The following NAV3 variants were observed in gnomAD, a reference collection of about 807,000 sequenced individuals.
NAV3 encodes neuron navigator 3.
In NAV3, 87 loss-of-function variants were observed where a neutral mutation model predicts 244.7. The ratio of observed to expected loss-of-function variants is 0.36; its 90% CI spans 0.30 to 0.42. The LOEUF (loss-of-function observed/expected upper bound fraction) is 0.42, where lower values mean the gene tolerates loss of function less well. Ranked by LOEUF, NAV3 falls within the 20% of genes least tolerant of loss-of-function variation. The probability of loss-of-function intolerance (pLI) is 1.00; values close to 1 mark genes in which losing one functional copy is unlikely to be tolerated. For synonymous variants in NAV3, 1,126 were observed against 1,042.2 expected (o/e 1.08, Z -1.55); for missense variants, 2,663 against 2,893.3 (o/e 0.92, Z 1.83).
chr12:78,056,175 G>A (rs557186297), intron 11 of NAV3: 4 of 152,236 alleles, frequency 2.6e-5, no homozygotes, highest in Admixed American at 2.0e-4. Context: ...TCATGACTCA[G>A]TTCTCTTACC....
At position 77,736,233 on chromosome 12, in the gene NAV3, G is replaced by C. The variant is rs922212851; in HGVS notation, c.72+163967G>C. Among the ~76,000 whole-genome samples, 8 of 152,216 alleles carry C rather than the reference G, an allele frequency of 5.3e-5. No individual in the cohort carries two copies. In the East Asian group the frequency reaches 1.2e-3, roughly 22 times the overall value. ...TCTATTAAACCAATTTTATTCTAGCGAAGGTCAATGTATACACACACTTAT... is the reference window on the plus strand; with the variant it reads ...TCTATTAAACCAATTTTATTCTAGCCAAGGTCAATGTATACACACACTTAT... On this transcript the variant is annotated intron_variant, in intron 2 of 8. Coordinates refer to the NAV3 transcript ENST00000550042.
At chr12:77,748,732 G>A (rs1019903877) in intron 2 of NAV3, among the ~76,000 whole-genome samples, 3 of 152,100 alleles carry the variant, frequency 2.0e-5, no homozygotes, top group Non-Finnish European at 4.4e-5. Context: ...CTAGGGCTTG[G>A]GGGAGATGGG....
intron 12 of NAV3, among the ~76,000 whole-genome samples, chr12:78,066,451 T>G (rs1885033502): frequency 6.6e-6 from 1 of 152,102 alleles, no homozygotes; most frequent in Non-Finnish European, 1.5e-5. Context: ...CAGGTAGCTA[T>G]TCAGTCAATA....
intron 1 of NAV3, among the ~76,000 whole-genome samples, chr12:77,911,615 C>T (rs1389504408): frequency 6.6e-6 from 1 of 151,966 alleles, no homozygotes; most frequent in Non-Finnish European, 1.5e-5. Context: ...AATTTTTTAA[C>T]TTAAAAATAC....
At chr12:77,813,856 T>A (rs1362068055) in intron 2 of NAV3, among the ~76,000 whole-genome samples, 1 of 152,220 alleles carries the variant, frequency 6.6e-6, no homozygotes, top group Admixed American at 6.5e-5. Context: ...AATGCCCTCA[T>A]TTATTTCAGT....
chr12:77,619,339 G>T (rs966204784), intron 2 of NAV3, among the ~76,000 whole-genome samples: 7 of 152,136 alleles, frequency 4.6e-5, no homozygotes, highest in African/African-American at 1.7e-4. Flanking sequence ...AGCTTCTGCT[G>T]CTTAAGGCCA....
intron 5 of NAV3, among the ~76,000 whole-genome samples, chr12:77,989,863 T>C (rs976943134): frequency 3.3e-5 from 5 of 152,166 alleles, no homozygotes; most frequent in African/African-American, 1.2e-4. Context: ...GTTCTTATTC[T>C]GCTTTTTTAA....
chr12:77,577,602 A>G lies in NAV3; in HGVS notation c.72+5336A>G, dbSNP rs150314119. On this transcript the variant is annotated intron_variant, in intron 2 of 8. Coordinates refer to the NAV3 transcript ENST00000550042. The stretch of plus-strand genomic sequence containing the variant: ...ATAGTGAGCCTATATCTTCATATAA[A>G]TGGATAAAATATACAGTCCCAAGAT... Among the ~76,000 whole-genome samples the G allele has an allele frequency of 3.3e-5, 5 of 152,282 alleles. No individual in the cohort carries two copies. The East Asian group carries it at 9.6e-4, about 29-fold the overall frequency.
At position 78,191,344 on chromosome 12, in the gene NAV3, C is replaced by T. The variant is rs145855652; in HGVS notation, c.6291+1125C>T. Among the ~76,000 whole-genome samples the T allele has an allele frequency of 3.2e-3, 484 of 152,104 alleles. 6 individuals are homozygous for T. The highest frequency in any genetic ancestry group is 0.011 in the African/African-American group (441 of 41,518). Reference sequence around the variant, plus strand: ...GAGAGAACAGCGCAAGTAGCAAGCACGATATAAGAGTTGCTTGCAATTTTT... The same window carrying T: ...GAGAGAACAGCGCAAGTAGCAAGCATGATATAAGAGTTGCTTGCAATTTTT... On this transcript the variant is annotated intron_variant, in intron 34 of 39. Transcript: ENST00000397909.
At chr12:78,049,775 T>C (rs1436670804) in intron 9 of NAV3, among the ~76,000 whole-genome samples, 1 of 152,246 alleles carries the variant, frequency 6.6e-6, no homozygotes, top group Non-Finnish European at 1.5e-5. Context: ...AATATTATAG[T>C]GTTATCACCA....
intron 13 of NAV3, among the ~76,000 whole-genome samples, 178 bp downstream of exon 13, chr12:78,117,082 T>C (rs1032174321): frequency 1.2e-4 from 18 of 146,134 alleles, no homozygotes; most frequent in African/African-American, 4.5e-4. Context: ...TCTTTCATCT[T>C]AGTCTTTCCT....
chr12:77,721,446 T>C (rs1876628660), intron 2 of NAV3, among the ~76,000 whole-genome samples: 1 of 152,166 alleles, frequency 6.6e-6, no homozygotes, highest in Non-Finnish European at 1.5e-5. Context: ...GTATTTGGCT[T>C]ACTTCTCTCA....
At chr12:78,188,058 G>T (rs1451493227) in intron 31 of NAV3, among the ~76,000 whole-genome samples, 190 bp from the exon 32 acceptor site, 1 of 151,738 alleles carries the variant, frequency 6.6e-6, no homozygotes, top group Non-Finnish European at 1.5e-5. Context: ...TTATTTGTTT[G>T]GTTGGTTAGT....
chr12:77,974,458 T>C (rs921594856), intron 5 of NAV3, among the ~76,000 whole-genome samples: 4 of 113,342 alleles, frequency 3.5e-5, no homozygotes, highest in Non-Finnish European at 7.9e-5. Flanking sequence ...TTTATTATTA[T>C]TTTTTTTTTT....
intron 35 of NAV3, among the ~76,000 whole-genome samples, chr12:78,197,910 AT>A (rs1959204647): frequency 6.6e-6 from 1 of 151,874 alleles, no homozygotes; most frequent in Admixed American, 6.6e-5. Flanking sequence ...CTCAGTTCAT[AT>A]TAAAGTTTAA....
intron 11 of NAV3, among the ~76,000 whole-genome samples, chr12:78,055,544 A>T (rs914119913): frequency 6.6e-6 from 1 of 152,188 alleles, no homozygotes; most frequent in African/African-American, 2.4e-5. Context: ...ACCCTCGCTG[A>T]TGTTTCTGAT....
chr12:78,207,378 C>T (rs1960440509), intron 39 of NAV3, among the ~76,000 whole-genome samples: 1 of 152,132 alleles, frequency 6.6e-6, no homozygotes, highest in Non-Finnish European at 1.5e-5. Context: ...TAAGTATGTC[C>T]TTAATGCTAA....
intron 2 of NAV3, among the ~76,000 whole-genome samples, chr12:77,728,188 C>A (rs1199284515): frequency 6.6e-6 from 1 of 151,912 alleles, no homozygotes; most frequent in Non-Finnish European, 1.5e-5. Context: ...CACTCCAGTC[C>A]TGTTAGGGCA....
chr12:78,040,212 C>CAATA lies in NAV3; in HGVS notation c.2024-9777_2024-9774dup. On this transcript the variant is annotated intron_variant, in intron 9 of 39. Coordinates refer to ENST00000397909, the MANE Select transcript of NAV3 (RefSeq NM_001024383.2). ...TGTGGGTCATTGAAAACATTTACTGCAATAAATTTTCTTTGGTTATTATCT... is the reference window on the plus strand; with the variant it reads ...TGTGGGTCATTGAAAACATTTACTGCAATAAATAAATTTTCTTTGGTTATTATCT... Among the ~76,000 whole-genome samples the CAATA allele has an allele frequency of 2.0e-5, 3 of 152,082 alleles. No individual in the cohort carries two copies. In the Middle Eastern group the frequency reaches 0.01, roughly 517 times the overall value.
Sources: gnomAD v4.1 joint callset for allele counts (sites outside exome capture counted in the v4.1 genomes callset) on GRCh38, gnomAD v4.1.1 for gene constraint, MANE v1.5 for transcripts, NCBI Gene and HGNC (gene_info 2026-07-23, HGNC 2026-07-21) for gene names.